SUSD4: variants seen among roughly 807,000 people sequenced by gnomAD.
The protein encoded by SUSD4 is sushi domain-containing protein 4.
SUSD4 carries 41 observed loss-of-function variants against 50.5 expected under a neutral mutation model. That is an observed-to-expected ratio of 0.81 (90% CI 0.63 to 1.05). The LOEUF (loss-of-function observed/expected upper bound fraction) is 1.05. SUSD4 is among the 50% of genes least tolerant of loss of function. The pLI is 0.00. For synonymous variants in SUSD4, 257 were observed against 257.3 expected (o/e 1.00, Z 0.01); for missense variants, 580 against 634.7 (o/e 0.91, Z 0.93).
intron 2 of SUSD4, among the ~76,000 whole-genome samples, chr1:223,307,595 G>A (rs1056784790): frequency 1.3e-5 from 2 of 152,176 alleles, no homozygotes; most frequent in Non-Finnish European, 2.9e-5. Context: ...ATTCTCAAGT[G>A]CCACTGGGAC....
chr1:223,325,350 G>A (rs1558252194), intron 2 of SUSD4, among the ~76,000 whole-genome samples: 1 of 152,104 alleles, frequency 6.6e-6, no homozygotes, highest in Non-Finnish European at 1.5e-5. Context: ...GAGAGTGATG[G>A]GGAGATTAAT....
In SUSD4 at chr1:223,223,171, C is replaced by G. The variant is rs562783400; in HGVS notation, c.1444+78G>C. On this transcript the variant is annotated intron_variant, in intron 8 of 8. Transcript: ENST00000366878. Reference sequence around the variant, plus strand: ...ACTCTGTGCTGGGGGGTGGAGCGTGCGTAGCAAGGAGCTGGCTTGAAGATG... The same window carrying G: ...ACTCTGTGCTGGGGGGTGGAGCGTGGGTAGCAAGGAGCTGGCTTGAAGATG... 46 of 1,489,682 alleles carry G rather than the reference C, an allele frequency of 3.1e-5. No homozygotes were observed. In the Admixed American group the frequency reaches 1.0e-3, roughly 34 times the overall value. The allele number at this position is 1,489,682 out of a possible 1,614,324, so 92.3% of individuals were successfully genotyped here. A position where few individuals can be genotyped will look rare whatever the true frequency, so the allele number is the denominator to read the frequency against.
intron 6 of SUSD4, among the ~76,000 whole-genome samples, chr1:223,228,436 G>A (rs550854575): frequency 6.6e-6 from 1 of 152,222 alleles, no homozygotes; most frequent in Non-Finnish European, 1.5e-5. Context: ...GTGTCCAGGG[G>A]AAAGGCATGC....
chr1:223,322,002 A>C (rs1241740753), intron 2 of SUSD4, among the ~76,000 whole-genome samples: 1 of 152,212 alleles, frequency 6.6e-6, no homozygotes, highest in African/African-American at 2.4e-5. Context: ...CAAATCCCAA[A>C]ATCCAAAACC....
In SUSD4 at chr1:223,223,352, G is replaced by A; in HGVS notation, c.1341C>T (p.Pro447=). 6.2e-7 allele frequency: 1 copy of A among 1,613,032 alleles called. No homozygotes were observed. The highest frequency in any genetic ancestry group is 8.5e-7 in the Non-Finnish European group (1 of 1,179,438). The part of the protein sequence containing the change: ...SELLQSLYSP[P]RCQESTHPAS... ...CAGGGTGGGTGCTCTCTTGGCACCT[G>A]GGAGGTGAATACAGACTTTGGAGCA... Residue 447 remains proline, a synonymous_variant, in exon 8 of 9, where the codon CCC becomes CCT. Transcript: ENST00000366878.
chr1:223,343,117 G>C (rs1381319438), intron 2 of SUSD4, among the ~76,000 whole-genome samples: 3 of 152,122 alleles, frequency 2.0e-5, no homozygotes, highest in Non-Finnish European at 4.4e-5. Flanking sequence ...CTTCTTTCAG[G>C]TTCTTGAACA....
chr1:223,327,186 T>A (rs1666924179), intron 2 of SUSD4, among the ~76,000 whole-genome samples: 3 of 152,296 alleles, frequency 2.0e-5, no homozygotes, highest in South Asian at 4.1e-4. Context: ...TGCAGCAACT[T>A]GGATGGAGCT....
intron 2 of SUSD4, 39 bp downstream of exon 2, chr1:223,363,239 G>C: frequency 6.6e-7 from 1 of 1,511,856 alleles, no homozygotes; most frequent in Non-Finnish European, 8.9e-7. Context: ...TCCCCTCTGG[G>C]CCATCCCCAG....
intron 3 of SUSD4, among the ~76,000 whole-genome samples, chr1:223,283,840 A>C (rs1663938624): frequency 6.6e-6 from 1 of 152,234 alleles, no homozygotes; most frequent in Admixed American, 6.5e-5. Context: ...CCAAATGTCC[A>C]TTAATGATAG....
rs754072082 is a variant in SUSD4 at position 223,223,322 on chromosome 1, C to T, written c.1371G>A (p.Ser457=). Residue 457 remains serine, a synonymous_variant, in exon 8 of 9, where the codon TCG becomes TCA. Coordinates refer to ENST00000366878, the MANE Select transcript of SUSD4 (RefSeq NM_017982.4). ...PRCQESTHPA[S]DNPDIIASTA... ...TGCTGGCAATTATGTCAGGGTTGTC[C>T]GAAGCAGGGTGGGTGCTCTCTTGGC... 5.0e-6 allele frequency: 8 copies of T among 1,605,916 alleles called. No homozygotes were observed. In the East Asian group the frequency reaches 6.7e-5, roughly 13 times the overall value.
chr1:223,263,346 A>C (rs756122983), intron 5 of SUSD4, among the ~76,000 whole-genome samples: 9 of 152,238 alleles, frequency 5.9e-5, no homozygotes, highest in Non-Finnish European at 1.0e-4. Flanking sequence ...CTCAGTTATT[A>C]ATATATTTGA....
chr1:223,227,753 AC>A lies in SUSD4; in HGVS notation c.917-16del, dbSNP rs1355908732. The A allele has an allele frequency of 1.3e-6, 2 of 1,599,358 alleles. No homozygotes were observed. Among genetic ancestry groups the A allele is most frequent in the Admixed American group, 3.4e-5 (2 of 58,878 alleles). ...CCACGTTTGCTCTGCATGAGGGAGAACAAAGCTGTACGTGAGGCTCCCAGAC... is the reference window on the plus strand; with the variant it reads ...CCACGTTTGCTCTGCATGAGGGAGAAAAAGCTGTACGTGAGGCTCCCAGAC... On this transcript the variant is annotated splice_polypyrimidine_tract_variant and intron_variant, in intron 6 of 8. Coordinates refer to ENST00000366878, the MANE Select transcript of SUSD4 (RefSeq NM_017982.4). This position sits in a 1 kb window ranked among gnomAD's most constrained non-coding sequence, Gnocchi z 4.5.
intron 3 of SUSD4, among the ~76,000 whole-genome samples, chr1:223,284,498 A>G (rs1004896653): frequency 1.3e-5 from 2 of 152,252 alleles, no homozygotes; most frequent in East Asian, 1.9e-4. Flanking sequence ...ATAAGGCTGT[A>G]GAACCTACTT....
chr1:223,267,298 A>G (rs926779362), intron 4 of SUSD4, among the ~76,000 whole-genome samples: 5 of 152,242 alleles, frequency 3.3e-5, no homozygotes, highest in African/African-American at 1.2e-4. Flanking sequence ...AAAAGGAAAC[A>G]GAAAGGATGG....
intron 2 of SUSD4, among the ~76,000 whole-genome samples, chr1:223,300,093 T>C (rs557996806): frequency 2.0e-5 from 3 of 152,242 alleles, no homozygotes; most frequent in African/African-American, 7.2e-5. Flanking sequence ...TGGTAAGCAG[T>C]CATCTAGTGG....
chr1:223,229,467 T>C lies in SUSD4; in HGVS notation c.725-79A>G. The stretch of plus-strand genomic sequence containing the variant: ...GAAGCCCCTAAGACGAAGAATGGCC[T>C]AGGAGAACTCAGTTAAAAATGTGCT... On this transcript the variant is annotated intron_variant, in intron 5 of 8. Coordinates refer to ENST00000366878, the MANE Select transcript of SUSD4 (RefSeq NM_017982.4). The surrounding 1 kb of genome is among the most constrained non-coding windows in gnomAD (Gnocchi z 4.7). 1 of 1,354,248 alleles carries C rather than the reference T, an allele frequency of 7.4e-7. No homozygotes were observed. 83.9% of individuals were successfully genotyped at this position (1,354,248 alleles called of 1,614,324 possible). A position where few individuals can be genotyped will look rare whatever the true frequency, so the allele number is the denominator to read the frequency against.
intron 2 of SUSD4, among the ~76,000 whole-genome samples, chr1:223,310,022 G>T (rs1019853591): frequency 6.6e-6 from 1 of 152,182 alleles, no homozygotes; most frequent in Non-Finnish European, 1.5e-5. Context: ...TTCACTGATG[G>T]CCCATTGGTG....
Position 223,363,395 on chromosome 1 carries a change from C to T in SUSD4, c.31G>A (p.Asp11Asn), listed in dbSNP as rs762742961. The change falls in exon 2 of 9, where the codon GAT (aspartate) becomes AAT (asparagine). Residue 11 changes from aspartate (D) to asparagine (N), a missense_variant. By Grantham distance (23) the Asp-to-Asn change is conservative. Transcript: ENST00000366878. The part of the protein sequence containing the change: MYHGMNPSNG[D>N]GFLEQQQQQQ... ...TGCTGCTGCTGCTCTAGAAATCCAT[C>T]TCCATTGCTCGGGTTCATTCCATGA... The T allele has an allele frequency of 1.0e-5, 16 of 1,576,046 alleles. No homozygotes were observed. The highest frequency in any genetic ancestry group is 9.2e-5 in the East Asian group (4 of 43,306).
intron 2 of SUSD4, among the ~76,000 whole-genome samples, chr1:223,311,536 T>C (rs935798692): frequency 5.9e-5 from 9 of 152,298 alleles, no homozygotes; most frequent in Non-Finnish European, 1.2e-4. Context: ...TCTATCCTAA[T>C]TTACGGTTTA....
Sources: allele counts gnomAD v4.1 joint callset (sites outside exome capture counted in the v4.1 genomes callset), GRCh38; gene constraint gnomAD v4.1.1; non-coding constraint Gnocchi (gnomAD v3.1); transcripts MANE v1.5; gene names NCBI Gene and HGNC (gene_info 2026-07-23, HGNC 2026-07-21).